The following ERBB4 variants were observed in gnomAD, a reference collection of about 807,000 sequenced individuals.
ERBB4 encodes receptor tyrosine-protein kinase erbB-4.
ERBB4 carries 42 observed loss-of-function variants against 158.0 expected under a neutral mutation model. That is an observed-to-expected ratio of 0.27 (90% CI 0.21 to 0.34). ERBB4 has a LOEUF of 0.34. Ranked by LOEUF, ERBB4 falls within the 10% of genes least tolerant of loss-of-function variation. The probability of loss-of-function intolerance (pLI) is 1.00; values close to 1 mark genes in which losing one functional copy is unlikely to be tolerated. For synonymous variants in ERBB4, 583 were observed against 558.7 expected (o/e 1.04, Z -0.61); for missense variants, 1,333 against 1,624.1 (o/e 0.82, Z 3.08).
intron 1 of ERBB4, among the ~76,000 whole-genome samples, chr2:212,253,915 T>C (rs1191956625): frequency 1.3e-5 from 2 of 152,146 alleles, no homozygotes; most frequent in Non-Finnish European, 2.9e-5. Context: ...CCTGCACACC[T>C]GTATAGTATG....
chr2:211,746,244 C>T (rs970912625), intron 5 of ERBB4, among the ~76,000 whole-genome samples: 6 of 151,980 alleles, frequency 3.9e-5, no homozygotes, highest in Non-Finnish European at 7.4e-5. Context: ...AGAGACAACC[C>T]ATCACTATCA....
At chr2:211,975,281 C>T (rs1304021464) in intron 2 of ERBB4, among the ~76,000 whole-genome samples, 2 of 152,176 alleles carry the variant, frequency 1.3e-5, no homozygotes, top group African/African-American at 4.8e-5. Context: ...CACCGTGGCT[C>T]CCCCACGCTT....
chr2:211,467,045 T>C (rs139061702), intron 20 of ERBB4, among the ~76,000 whole-genome samples: 176 of 152,284 alleles, frequency 1.2e-3, no homozygotes, highest in African/African-American at 4.1e-3. Flanking sequence ...TGCCACAGAC[T>C]GACCTCCAAT....
intron 4 of ERBB4, among the ~76,000 whole-genome samples, chr2:211,780,444 C>A (rs895247936): frequency 6.6e-6 from 1 of 152,190 alleles, no homozygotes; most frequent in South Asian, 2.1e-4. Context: ...AATACATTTT[C>A]ATCTCAAGGA....
chr2:212,069,764 C>A (rs1037924352), intron 2 of ERBB4, among the ~76,000 whole-genome samples: 1 of 151,900 alleles, frequency 6.6e-6, no homozygotes, highest in Non-Finnish European at 1.5e-5. Flanking sequence ...TTTCTTTATA[C>A]AAGCAATGAA....
chr2:211,910,399 T>C (rs1383465885), intron 3 of ERBB4, among the ~76,000 whole-genome samples: 1 of 150,702 alleles, frequency 6.6e-6, no homozygotes, highest in Admixed American at 6.6e-5. Context: ...TTTCTCTTCC[T>C]GTGTTAGTTT....
intron 20 of ERBB4, among the ~76,000 whole-genome samples, chr2:211,504,721 T>C (rs4494668): frequency 0.16 from 23,616 of 151,918 alleles, 3,101 homozygotes; most frequent in African/African-American, 0.36. Flanking sequence ...CAAGAAACAA[T>C]TCAGAAGATG....
At chr2:212,514,054 A>C (rs1691683611) in intron 1 of ERBB4, among the ~76,000 whole-genome samples, 1 of 152,158 alleles carries the variant, frequency 6.6e-6, no homozygotes, top group African/African-American at 2.4e-5. Context: ...AAAACAAAAA[A>C]ACACTTCTAT....
intron 1 of ERBB4, among the ~76,000 whole-genome samples, chr2:212,376,093 C>T (rs2090310943): frequency 6.6e-6 from 1 of 152,024 alleles, no homozygotes; most frequent in Admixed American, 6.6e-5. Context: ...ACAGTCATCT[C>T]AACTGGTTGA....
At chr2:212,082,261 T>G (rs1269309545) in intron 2 of ERBB4, among the ~76,000 whole-genome samples, 2 of 152,134 alleles carry the variant, frequency 1.3e-5, no homozygotes, top group Non-Finnish European at 2.9e-5. Context: ...AATTGTTAAA[T>G]ATTTATATGG....
chr2:211,950,938 T>C (rs925823239), intron 2 of ERBB4, among the ~76,000 whole-genome samples: 10 of 152,168 alleles, frequency 6.6e-5, no homozygotes, highest in Non-Finnish European at 1.0e-4. Flanking sequence ...TATCTACCTC[T>C]TTGAGCTCTT....
intron 1 of ERBB4, among the ~76,000 whole-genome samples, chr2:212,326,519 C>A (rs189097919): frequency 1.3e-5 from 2 of 150,788 alleles, no homozygotes; most frequent in Non-Finnish European, 3.0e-5. Flanking sequence ...TTTGAATACG[C>A]TTTAGCCCAA....
intron 14 of ERBB4, among the ~76,000 whole-genome samples, chr2:211,671,823 T>C (rs2071853103): frequency 6.6e-6 from 1 of 152,216 alleles, no homozygotes; most frequent in Non-Finnish European, 1.5e-5. Context: ...TGCACTTCCC[T>C]GTGTTTCATG....
chr2:211,797,334 G>A (rs559481699), intron 3 of ERBB4, among the ~76,000 whole-genome samples: 1 of 151,856 alleles, frequency 6.6e-6, no homozygotes, highest in African/African-American at 2.4e-5. Flanking sequence ...AATAAGCCTG[G>A]GGATATACTG....
intron 3 of ERBB4, among the ~76,000 whole-genome samples, chr2:211,897,909 A>G (rs1330346585): frequency 6.6e-6 from 1 of 151,718 alleles, no homozygotes; most frequent in Non-Finnish European, 1.5e-5. Context: ...GGCACACACA[A>G]CAGTGCCCGG....
At chr2:211,975,653 C>T (rs566652158) in intron 2 of ERBB4, among the ~76,000 whole-genome samples, 3 of 152,224 alleles carry the variant, frequency 2.0e-5, no homozygotes, top group Admixed American at 2.0e-4. Flanking sequence ...TATTCTTTGG[C>T]AATTTATCAA....
At chr2:212,024,569 C>T (rs940681897) in intron 2 of ERBB4, among the ~76,000 whole-genome samples, 4 of 151,878 alleles carry the variant, frequency 2.6e-5, no homozygotes, top group Non-Finnish European at 5.9e-5. Context: ...GTCATTTTGA[C>T]ATTCAAAAGG....
At chr2:212,272,307 A>C (rs141828172) in intron 1 of ERBB4, among the ~76,000 whole-genome samples, 167 of 151,908 alleles carry the variant, frequency 1.1e-3, no homozygotes, top group Non-Finnish European at 1.7e-3. Flanking sequence ...AACAGTCCAG[A>C]AGTATACACA....
chr2:212,140,521 ATGTT>A (rs1234417972), intron 1 of ERBB4, among the ~76,000 whole-genome samples: 1 of 143,452 alleles, frequency 7.0e-6, no homozygotes, highest in Non-Finnish European at 1.5e-5. Flanking sequence ...ATTTTTAAAA[ATGTT>A]TTTTTTTTAA....
Sources: allele counts gnomAD v4.1 joint callset (sites outside exome capture counted in the v4.1 genomes callset), GRCh38; gene constraint gnomAD v4.1.1; transcripts MANE v1.5; gene names NCBI Gene and HGNC (gene_info 2026-07-23, HGNC 2026-07-21).